The following KCTD8 variants were observed in gnomAD, a reference collection of about 807,000 sequenced individuals.
KCTD8 encodes the protein BTB/POZ domain-containing protein KCTD8.
In KCTD8, 27 loss-of-function variants were observed where a neutral mutation model predicts 31.5. The ratio of observed to expected loss-of-function variants is 0.86; its 90% CI spans 0.63 to 1.18. KCTD8 has a LOEUF of 1.18. Among genes scored for constraint, KCTD8 ranks in the 50% most tolerant of loss-of-function variants. The pLI is 0.00. For missense variants in KCTD8, 658 were observed against 647.7 expected (o/e 1.02, Z -0.17); for synonymous variants, 290 against 280.0 (o/e 1.04, Z -0.36).
At chr4:44,196,039 A>G (rs1016236856) in intron 1 of KCTD8, among the ~76,000 whole-genome samples, 11 of 152,258 alleles carry the variant, frequency 7.2e-5, no homozygotes, top group African/African-American at 2.4e-4. Context: ...AATACTAAGT[A>G]AAGGGAAAGT....
At chr4:44,323,047 C>T (rs1718339104) in intron 1 of KCTD8, among the ~76,000 whole-genome samples, 1 of 151,928 alleles carries the variant, frequency 6.6e-6, no homozygotes, top group South Asian at 2.1e-4. Context: ...CTTTTTGGCT[C>T]AGAATCGCTT....
At chr4:44,304,960 GA>G (rs891544395) in intron 1 of KCTD8, among the ~76,000 whole-genome samples, 31 of 140,492 alleles carry the variant, frequency 2.2e-4, no homozygotes, top group Middle Eastern at 3.7e-3. Context: ...ATCCTGTCTA[GA>G]AAAAAAAAAA....
At chr4:44,267,628 C>A (rs971906254) in intron 1 of KCTD8, among the ~76,000 whole-genome samples, 148 of 151,910 alleles carry the variant, frequency 9.7e-4, no homozygotes, top group African/African-American at 3.4e-3. Flanking sequence ...AAAGGATCAA[C>A]AAAATTGATA....
chr4:44,374,340 A>T (rs1719866471), intron 1 of KCTD8, among the ~76,000 whole-genome samples: 1 of 152,176 alleles, frequency 6.6e-6, no homozygotes, highest in African/African-American at 2.4e-5. Flanking sequence ...CCTTCACAGA[A>T]TCAGAGTTAG....
intron 1 of KCTD8, among the ~76,000 whole-genome samples, chr4:44,415,351 C>T (rs909394039): frequency 2.6e-5 from 4 of 152,072 alleles, no homozygotes; most frequent in Non-Finnish European, 5.9e-5. Flanking sequence ...CAGGCTGGCC[C>T]TGTGGTAGAG....
intron 1 of KCTD8, among the ~76,000 whole-genome samples, chr4:44,371,022 G>A (rs1719770177): frequency 1.3e-5 from 2 of 152,068 alleles, no homozygotes; most frequent in East Asian, 1.9e-4. Flanking sequence ...GAAAGGCAGT[G>A]GTGAAATTCA....
chr4:44,214,717 A>G (rs2109345161), intron 1 of KCTD8, among the ~76,000 whole-genome samples: 1 of 152,238 alleles, frequency 6.6e-6, no homozygotes, highest in South Asian at 2.1e-4. Context: ...ACTTTGGGAG[A>G]AAGTTTATAG....
intron 1 of KCTD8, among the ~76,000 whole-genome samples, chr4:44,332,299 T>C (rs1011337015): frequency 6.6e-6 from 1 of 151,988 alleles, no homozygotes; most frequent in Non-Finnish European, 1.5e-5. Context: ...AACAGATGAC[T>C]GGATCTGCTC....
intron 1 of KCTD8, among the ~76,000 whole-genome samples, chr4:44,193,996 G>A (rs1453187446): frequency 6.6e-6 from 1 of 152,142 alleles, no homozygotes; most frequent in Non-Finnish European, 1.5e-5. Flanking sequence ...GAATATAACA[G>A]AGAAAGAATA....
In KCTD8 at chr4:44,369,282, A is replaced by G. The variant is rs984363990; in HGVS notation, c.961+78281T>C. 3.3e-5 allele frequency among the ~76,000 whole-genome samples: 5 copies of G among 152,188 alleles called. 1 individual carries two copies. The highest frequency in any genetic ancestry group is 1.2e-4 in the African/African-American group (5 of 41,444). ...TAGGTCATGGTTAGGGTTCTAGAAA[A>G]CAATTCCCAAAGAAAAAATGTCTGC... On this transcript the variant is annotated intron_variant, in intron 1 of 1. Transcript: ENST00000360029.
At chr4:44,298,228 A>G (rs1439176666) in intron 1 of KCTD8, among the ~76,000 whole-genome samples, 6 of 152,158 alleles carry the variant, frequency 3.9e-5, no homozygotes, top group Admixed American at 2.6e-4. Flanking sequence ...CAAACTTCCC[A>G]GACATACTGA....
chr4:44,335,435 C>T (rs1718713568), intron 1 of KCTD8, among the ~76,000 whole-genome samples: 1 of 152,078 alleles, frequency 6.6e-6, no homozygotes, highest in South Asian at 2.1e-4. Context: ...CAAACCTCCA[C>T]ATGTACTTCC....
intron 1 of KCTD8, among the ~76,000 whole-genome samples, chr4:44,304,855 G>T (rs765981715): frequency 6.6e-6 from 1 of 151,920 alleles, no homozygotes; most frequent in Non-Finnish European, 1.5e-5. Context: ...GGGCATGGTG[G>T]TGCCTGCCTG....
chr4:44,388,429 C>T (rs745333210), intron 1 of KCTD8, among the ~76,000 whole-genome samples: 2 of 151,816 alleles, frequency 1.3e-5, no homozygotes, highest in Non-Finnish European at 2.9e-5. Flanking sequence ...GTACTATTTA[C>T]AATAGCAAAG....
In KCTD8 at chr4:44,174,999, C is replaced by T. The variant is rs146165410; in HGVS notation, c.1213G>A (p.Asp405Asn). 215 of 1,613,894 alleles carry T rather than the reference C, an allele frequency of 1.3e-4. No homozygotes were observed. The highest frequency in any genetic ancestry group is 1.8e-4 in the Non-Finnish European group (211 of 1,179,986). ...KAPVQWIPPP[D>N]KRRNSELFQT... is the part of the protein sequence containing the mutation. ...AAGAGTTCACTGTTTCTGCGTTTGT[C>T]TGGTGGGGGTATCCATTGTACAGGT... Residue 405 changes from aspartate (D) to asparagine (N), a missense_variant, in exon 2 of 2, where the codon GAC becomes AAC. By Grantham distance (23) the Asp-to-Asn change is conservative. Coordinates refer to ENST00000360029, the MANE Select transcript of KCTD8 (RefSeq NM_198353.3).
At chr4:44,411,916 C>G (rs903649350) in intron 1 of KCTD8, among the ~76,000 whole-genome samples, 3 of 152,018 alleles carry the variant, frequency 2.0e-5, no homozygotes, top group African/African-American at 7.2e-5. Context: ...TTTTGGACTT[C>G]TAGAGTGTAG....
intron 1 of KCTD8, among the ~76,000 whole-genome samples, chr4:44,362,078 G>A (rs1719512620): frequency 6.6e-6 from 1 of 152,054 alleles, no homozygotes; most frequent in Non-Finnish European, 1.5e-5. Flanking sequence ...AGGTAGAGGA[G>A]ATAAAAAATT....
chr4:44,269,160 C>T (rs1426984935), intron 1 of KCTD8, among the ~76,000 whole-genome samples: 1 of 152,110 alleles, frequency 6.6e-6, no homozygotes. Context: ...GCTGCAGTAA[C>T]CAAAACAGCA....
At position 44,174,704 on chromosome 4, in the gene KCTD8, ACT is replaced by A; in HGVS notation, c.*84_*85del. 1 of 972,250 alleles carries A rather than the reference ACT, an allele frequency of 1.0e-6. No homozygotes were observed. The highest frequency in any genetic ancestry group is 1.6e-6 in the Non-Finnish European group (1 of 642,228). 60.2% of individuals were successfully genotyped at this position (972,250 alleles called of 1,614,324 possible). On this transcript the variant is annotated 3_prime_UTR_variant, in exon 2 of 2. Coordinates refer to ENST00000360029, the MANE Select transcript of KCTD8 (RefSeq NM_198353.3). ...AACAAGGAAGAGCAGCAAGAATCAC[ACT>A]GACCATTGTTAGGACATCAGTCAGG...
Sources: gnomAD v4.1 joint callset for allele counts (sites outside exome capture counted in the v4.1 genomes callset) on GRCh38, gnomAD v4.1.1 for gene constraint, MANE v1.5 for transcripts, NCBI Gene and HGNC (gene_info 2026-07-23, HGNC 2026-07-21) for gene names.